ASIC2: variants seen among roughly 807,000 people sequenced by gnomAD.
The protein encoded by ASIC2 is acid sensing ion channel subunit 2, also known as acid-sensing ion channel 2.
Under a neutral mutation model 57.3 loss-of-function variants are expected in ASIC2, and 25 were observed. The observed-to-expected ratio is 0.44, with a 90% CI of 0.32 to 0.61. ASIC2 has a LOEUF of 0.61. Among genes scored for constraint, ASIC2 ranks in the 20% least tolerant of loss-of-function variants. ASIC2 has a pLI of 0.06. For synonymous variants in ASIC2, 319 were observed against 307.5 expected (o/e 1.04, Z -0.39); for missense variants, 641 against 738.1 (o/e 0.87, Z 1.52).
At chr17:33,889,096 A>G (rs1174599056) in intron 1 of ASIC2, among the ~76,000 whole-genome samples, 1 of 152,196 alleles carries the variant, frequency 6.6e-6, no homozygotes, top group Non-Finnish European at 1.5e-5. Flanking sequence ...GAGCCTGTTC[A>G]GTTTATTAAA....
intron 1 of ASIC2, among the ~76,000 whole-genome samples, chr17:33,453,595 T>C (rs1055433483): frequency 6.6e-6 from 1 of 152,230 alleles, no homozygotes; most frequent in Non-Finnish European, 1.5e-5. Flanking sequence ...AGGACAATCA[T>C]AGATTATGTA....
At chr17:34,087,808 A>C (rs1441073331) in intron 1 of ASIC2, among the ~76,000 whole-genome samples, 1 of 152,068 alleles carries the variant, frequency 6.6e-6, no homozygotes, top group Non-Finnish European at 1.5e-5. Flanking sequence ...CATCACTGAT[A>C]CCCTTTCTTC....
At chr17:34,012,588 T>C (rs987767753) in intron 1 of ASIC2, among the ~76,000 whole-genome samples, 1 of 152,174 alleles carries the variant, frequency 6.6e-6, no homozygotes, top group Non-Finnish European at 1.5e-5. Flanking sequence ...TTAGAAAGGG[T>C]TAAATGCCTC....
chr17:33,364,526 G>C (rs1356172285), intron 1 of ASIC2, among the ~76,000 whole-genome samples: 1 of 152,112 alleles, frequency 6.6e-6, no homozygotes. Flanking sequence ...CCCCCTTGCT[G>C]TTCTCGTGAT....
intron 1 of ASIC2, among the ~76,000 whole-genome samples, chr17:33,394,961 C>T (rs986962578): frequency 6.6e-6 from 1 of 152,020 alleles, no homozygotes; most frequent in Non-Finnish European, 1.5e-5. Context: ...ACGCATCCAT[C>T]CATTTTTCCA....
chr17:33,732,176 T>C (rs1474335521), intron 1 of ASIC2, among the ~76,000 whole-genome samples: 2 of 152,226 alleles, frequency 1.3e-5, no homozygotes, highest in South Asian at 2.1e-4. Context: ...GGGTTATTCA[T>C]TGTGGTATTA....
intron 1 of ASIC2, among the ~76,000 whole-genome samples, chr17:33,832,038 G>C (rs1022452404): frequency 6.6e-6 from 1 of 152,264 alleles, no homozygotes; most frequent in Non-Finnish European, 1.5e-5. Context: ...AAAAACCATC[G>C]TAGTTCATCA....
intron 1 of ASIC2, among the ~76,000 whole-genome samples, chr17:33,946,728 ACAGG>A (rs1904385950): frequency 6.6e-6 from 1 of 152,228 alleles, no homozygotes; most frequent in South Asian, 2.1e-4. Flanking sequence ...AACACTAGAA[ACAGG>A]CAGTTCCATG....
At position 34,095,635 on chromosome 17, in the gene ASIC2, A is replaced by ATATATATATATATATATATATAATTT. The variant is rs1567818863; in HGVS notation, c.555+60342_555+60343insAAATTATATATATATATATATATATA. Among the ~76,000 whole-genome samples the ATATATATATATATATATATATAATTT allele has an allele frequency of 8.2e-4, 80 of 97,996 alleles. 1 individual carries two copies. The highest frequency in any genetic ancestry group is 5.1e-3 in the Middle Eastern group (1 of 196). 64.3% of individuals were successfully genotyped at this position (97,996 alleles called of 152,430 possible). The stretch of plus-strand genomic sequence containing the variant: ...TATATATATATATATATATAATTTT[A>ATATATATATATATATATATATAATTT]TATATATATATATATATATAATTTT... On this transcript the variant is annotated intron_variant, in intron 1 of 9. Coordinates refer to the ASIC2 transcript ENST00000359872.
At chr17:33,146,336 T>C (rs115504408) in intron 1 of ASIC2, among the ~76,000 whole-genome samples, 5,135 of 152,260 alleles carry the variant, frequency 0.034, 293 homozygotes, top group African/African-American at 0.12. Flanking sequence ...TACCTGTCCA[T>C]GTTACAGATG....
intron 1 of ASIC2, among the ~76,000 whole-genome samples, chr17:33,121,338 C>G (rs1018875788): frequency 6.6e-6 from 1 of 152,188 alleles, no homozygotes; most frequent in Non-Finnish European, 1.5e-5. Flanking sequence ...AGGAATCACC[C>G]AGTGGGGAGG....
intron 3 of ASIC2, among the ~76,000 whole-genome samples, chr17:33,059,317 C>T (rs1015990004): frequency 2.6e-5 from 4 of 152,118 alleles, no homozygotes; most frequent in Non-Finnish European, 5.9e-5. Flanking sequence ...ACTCCCCCAA[C>T]CCCACAACAG....
At chr17:33,890,852 A>G (rs1181278722) in intron 1 of ASIC2, among the ~76,000 whole-genome samples, 5 of 152,102 alleles carry the variant, frequency 3.3e-5, no homozygotes, top group African/African-American at 4.8e-5. Flanking sequence ...AAACAAAAAT[A>G]CTGCAAATAC....
At chr17:33,597,794 G>A (rs1322104685) in intron 1 of ASIC2, among the ~76,000 whole-genome samples, 4 of 152,054 alleles carry the variant, frequency 2.6e-5, no homozygotes, top group Non-Finnish European at 5.9e-5. Context: ...GTGTCAGGAG[G>A]GATAGTTTTA....
intron 1 of ASIC2, among the ~76,000 whole-genome samples, chr17:33,170,269 C>T (rs1296982401): frequency 6.6e-6 from 1 of 152,134 alleles, no homozygotes; most frequent in African/African-American, 2.4e-5. Flanking sequence ...TTCACAAAGA[C>T]TCAACACTGA....
At chr17:33,631,770 A>G (rs543589309) in intron 1 of ASIC2, among the ~76,000 whole-genome samples, 1 of 152,214 alleles carries the variant, frequency 6.6e-6, no homozygotes, top group Non-Finnish European at 1.5e-5. Flanking sequence ...ATCTCCTTCC[A>G]GGGTGGAATG....
chr17:34,010,168 G>C (rs1906662215), intron 1 of ASIC2, among the ~76,000 whole-genome samples: 2 of 152,132 alleles, frequency 1.3e-5, no homozygotes, highest in African/African-American at 4.8e-5. Flanking sequence ...TGGGCAGTGG[G>C]GATATGAATC....
chr17:34,112,211 C>T (rs995008601), intron 1 of ASIC2, among the ~76,000 whole-genome samples: 6 of 151,948 alleles, frequency 3.9e-5, no homozygotes, highest in African/African-American at 1.5e-4. Flanking sequence ...GAGCAACTTC[C>T]CTATAATCTC....
chr17:33,478,198 G>C (rs2141924793), intron 1 of ASIC2, among the ~76,000 whole-genome samples: 1 of 152,344 alleles, frequency 6.6e-6, no homozygotes, highest in Non-Finnish European at 1.5e-5. Context: ...GTGGATGACA[G>C]AGCTTCCAAG....
Sources: gnomAD v4.1 joint callset for allele counts (sites outside exome capture counted in the v4.1 genomes callset) on GRCh38, gnomAD v4.1.1 for gene constraint, MANE v1.5 for transcripts, NCBI Gene and HGNC (gene_info 2026-07-23, HGNC 2026-07-21) for gene names.